MACROD2: variants seen among roughly 807,000 people sequenced by gnomAD.
MACROD2 encodes mono-ADP ribosylhydrolase 2, also known as ADP-ribose glycohydrolase MACROD2.
Under a neutral mutation model 70.4 loss-of-function variants are expected in MACROD2, and 36 were observed. The observed-to-expected ratio is 0.51, with a 90% CI of 0.39 to 0.68. The LOEUF (loss-of-function observed/expected upper bound fraction) is 0.68, where lower values mean the gene tolerates loss of function less well. Ranked by LOEUF, MACROD2 falls within the 30% of genes least tolerant of loss-of-function variation. The pLI, the probability that MACROD2 is intolerant of heterozygous loss-of-function variation, is 0.00. For missense variants in MACROD2, 496 were observed against 538.4 expected (o/e 0.92, Z 0.78); for synonymous variants, 172 against 178.8 (o/e 0.96, Z 0.30).
intron 6 of MACROD2, among the ~76,000 whole-genome samples, chr20:15,413,045 A>G (rs2046099504): frequency 6.6e-6 from 1 of 152,348 alleles, no homozygotes; most frequent in Admixed American, 6.5e-5. Context: ...ATCCATTAGT[A>G]TTAAAAAAGT....
At chr20:14,024,553 A>G (rs6135042) in intron 2 of MACROD2, among the ~76,000 whole-genome samples, 54,714 of 152,054 alleles carry the variant, frequency 0.36, 10,625 homozygotes, top group East Asian at 0.48. Flanking sequence ...ATTTTGAGAT[A>G]CATTCCATCA....
At chr20:14,685,039 A>G in intron 5 of MACROD2, 80 bp downstream of exon 5, 1 of 1,085,124 alleles carries the variant, frequency 9.2e-7, no homozygotes. Context: ...TGGAAAAGGA[A>G]ATGGCAGTGG....
At chr20:15,426,379 C>T (rs2146349010) in intron 6 of MACROD2, among the ~76,000 whole-genome samples, 1 of 152,192 alleles carries the variant, frequency 6.6e-6, no homozygotes, top group South Asian at 2.1e-4. Context: ...GGTCTCACTC[C>T]TGTGGCCCAG....
intron 5 of MACROD2, among the ~76,000 whole-genome samples, chr20:15,145,388 T>G (rs1420501171): frequency 6.6e-6 from 1 of 152,092 alleles, no homozygotes; most frequent in African/African-American, 2.4e-5. Flanking sequence ...AAAAGGCATG[T>G]TTTTCATACG....
intron 8 of MACROD2, among the ~76,000 whole-genome samples, chr20:15,692,270 A>G (rs920678197): frequency 6.6e-6 from 1 of 152,088 alleles, no homozygotes; most frequent in Non-Finnish European, 1.5e-5. Flanking sequence ...TCCAAGGGTA[A>G]ATTCACCAGG....
At chr20:15,509,152 G>A (rs2047466526) in intron 8 of MACROD2, among the ~76,000 whole-genome samples, 1 of 152,132 alleles carries the variant, frequency 6.6e-6, no homozygotes, top group Non-Finnish European at 1.5e-5. Flanking sequence ...GTGTTGGCTG[G>A]AAAAATTTTG....
chr20:15,734,178 A>G (rs925425551), intron 8 of MACROD2, among the ~76,000 whole-genome samples: 5 of 152,220 alleles, frequency 3.3e-5, no homozygotes, highest in Non-Finnish European at 7.3e-5. Flanking sequence ...CCCTATGCAA[A>G]GGCACTAAGA....
At chr20:14,736,643 A>G (rs1289981819) in intron 5 of MACROD2, among the ~76,000 whole-genome samples, 1 of 152,186 alleles carries the variant, frequency 6.6e-6, no homozygotes, top group Non-Finnish European at 1.5e-5. Flanking sequence ...ACAAGGTGCT[A>G]TTCTAAGAGT....
intron 8 of MACROD2, among the ~76,000 whole-genome samples, chr20:15,836,970 G>T (rs1046834407): frequency 3.3e-5 from 5 of 152,134 alleles, no homozygotes; most frequent in African/African-American, 4.8e-5. Flanking sequence ...ATGTCTTCTT[G>T]AATCAGAGCA....
intron 2 of MACROD2, among the ~76,000 whole-genome samples, chr20:14,067,808 GATTCTTAT>G (rs2053785001): frequency 6.6e-6 from 1 of 152,156 alleles, no homozygotes; most frequent in African/African-American, 2.4e-5. Flanking sequence ...TTGTGAGGCT[GATTCTTAT>G]GAGGCAGTTT....
intron 4 of MACROD2, among the ~76,000 whole-genome samples, chr20:14,665,769 A>G (rs991222217): frequency 1.6e-4 from 24 of 152,196 alleles, no homozygotes; most frequent in Admixed American, 7.9e-4. Flanking sequence ...GTTTTCTTCC[A>G]CAGTCACTGG....
chr20:14,611,046 T>C (rs1036631375), intron 4 of MACROD2, among the ~76,000 whole-genome samples: 1 of 152,138 alleles, frequency 6.6e-6, no homozygotes, highest in Admixed American at 6.5e-5. Context: ...TTTCAGTACT[T>C]TTACATTCTT....
intron 8 of MACROD2, among the ~76,000 whole-genome samples, chr20:15,721,636 T>G (rs2050788936): frequency 6.6e-6 from 1 of 152,224 alleles, no homozygotes; most frequent in Non-Finnish European, 1.5e-5. Context: ...AATTTATTTT[T>G]ATCACAAATG....
At chr20:14,999,799 C>G (rs1470084833) in intron 5 of MACROD2, among the ~76,000 whole-genome samples, 1 of 152,186 alleles carries the variant, frequency 6.6e-6, no homozygotes, top group Admixed American at 6.5e-5. Context: ...TTGCAAGCCT[C>G]ATGGTAACCT....
chr20:15,737,961 C>T (rs953634573), intron 8 of MACROD2, among the ~76,000 whole-genome samples: 2 of 151,802 alleles, frequency 1.3e-5, no homozygotes, highest in African/African-American at 2.4e-5. Flanking sequence ...CACAGGTAGA[C>T]AGACAGGTAA....
At chr20:14,545,005 A>AC (rs1897137675) in intron 4 of MACROD2, among the ~76,000 whole-genome samples, 1 of 152,222 alleles carries the variant, frequency 6.6e-6, no homozygotes, top group South Asian at 2.1e-4. Flanking sequence ...AGCTGAGGGC[A>AC]TATGGGTGGA....
chr20:14,015,307 T>A (rs748352638), intron 2 of MACROD2, among the ~76,000 whole-genome samples: 5 of 152,162 alleles, frequency 3.3e-5, no homozygotes, highest in Non-Finnish European at 5.9e-5. Flanking sequence ...TTGAGCTGGG[T>A]ACAGTGGCTT....
chr20:15,030,830 G>A (rs2075268787), intron 5 of MACROD2, among the ~76,000 whole-genome samples: 1 of 152,202 alleles, frequency 6.6e-6, no homozygotes, highest in South Asian at 2.1e-4. Context: ...TGCAGTTCAT[G>A]ATCTTCATCC....
At chr20:15,417,718 C>A (rs1486474115) in intron 6 of MACROD2, among the ~76,000 whole-genome samples, 1 of 151,758 alleles carries the variant, frequency 6.6e-6, no homozygotes, top group African/African-American at 2.4e-5. Context: ...TTCTTGGGCT[C>A]CACCGCAGAC....
Sources: allele counts gnomAD v4.1 joint callset (sites outside exome capture counted in the v4.1 genomes callset), GRCh38; gene constraint gnomAD v4.1.1; transcripts MANE v1.5; gene names NCBI Gene and HGNC (gene_info 2026-07-23, HGNC 2026-07-21).